The following CDH4 variants were observed in gnomAD, a reference collection of about 807,000 sequenced individuals.
CDH4 encodes cadherin 4, also known as cadherin-4.
CDH4 carries 33 observed loss-of-function variants against 86.0 expected under a neutral mutation model. That is an observed-to-expected ratio of 0.38 (90% CI 0.29 to 0.51). The LOEUF is 0.51. Ranked by LOEUF, CDH4 falls within the 20% of genes least tolerant of loss-of-function variation. CDH4 has a pLI of 0.86. For missense variants in CDH4, 1,114 were observed against 1,307.4 expected, an observed-to-expected ratio of 0.85 and a Z score of 2.28; for synonymous variants, 555 against 549.4, an observed-to-expected ratio of 1.01 and a Z score of -0.14.
chr20:61,710,821 G>A (rs143593048), intron 2 of CDH4, among the ~76,000 whole-genome samples: 17 of 152,318 alleles, frequency 1.1e-4, no homozygotes, highest in African/African-American at 3.6e-4. Context: ...AGCCCTGCTC[G>A]AAGTGCCGAG....
chr20:61,470,156 GGACACT>G (rs2085494454), intron 2 of CDH4, among the ~76,000 whole-genome samples: 1 of 152,064 alleles, frequency 6.6e-6, no homozygotes, highest in Non-Finnish European at 1.5e-5. Flanking sequence ...TGGAAAGTAT[GGACACT>G]TTAATGTATT....
chr20:61,797,093 C>CG (rs1222363983), intron 4 of CDH4, among the ~76,000 whole-genome samples: 3 of 151,948 alleles, frequency 2.0e-5, no homozygotes, highest in Non-Finnish European at 4.4e-5. Flanking sequence ...GCCCCCCCCC[C>CG]CCCAACACTG....
chr20:61,400,792 G>T (rs550183272), intron 2 of CDH4, among the ~76,000 whole-genome samples: 2 of 152,188 alleles, frequency 1.3e-5, no homozygotes, highest in African/African-American at 2.4e-5. Flanking sequence ...CCCCACCTCC[G>T]CTGGTACCAT....
intron 2 of CDH4, among the ~76,000 whole-genome samples, chr20:61,451,696 GA>G (rs1291367384): frequency 6.6e-6 from 1 of 152,034 alleles, no homozygotes; most frequent in Non-Finnish European, 1.5e-5. Flanking sequence ...AAAGAGAGGA[GA>G]GGGGAAGGAG....
At chr20:61,876,662 G>A (rs865776438) in intron 7 of CDH4, among the ~76,000 whole-genome samples, 1 of 152,126 alleles carries the variant, frequency 6.6e-6, no homozygotes, top group African/African-American at 2.4e-5. Context: ...ATCTAAAGGG[G>A]ACCATAGGCC....
intron 2 of CDH4, among the ~76,000 whole-genome samples, chr20:61,367,516 G>A (rs2084817220): frequency 6.6e-6 from 1 of 151,806 alleles, no homozygotes; most frequent in African/African-American, 2.4e-5. Context: ...GCAGCTTGAA[G>A]GGGCTCCCAC....
At position 61,593,784 on chromosome 20, in the gene CDH4, G is replaced by GA. The variant is rs1035838523; in HGVS notation, c.170-149777dup. ...ATTGTAAAGATTCTTGGACATAGTA[G>GA]AACCCCCTGGGGATGCCCGGGAGTC... On this transcript the variant is annotated intron_variant, in intron 2 of 15. Transcript: ENST00000614565. Among the ~76,000 whole-genome samples, 23 of 151,738 alleles carry GA rather than the reference G, an allele frequency of 1.5e-4. 1 individual carries two copies. Among genetic ancestry groups the GA allele is most frequent in the Non-Finnish European group, 1.9e-4 (13 of 67,988 alleles).
intron 3 of CDH4, among the ~76,000 whole-genome samples, chr20:61,747,479 C>T (rs568229617): frequency 1.2e-3 from 178 of 150,864 alleles, no homozygotes; most frequent in African/African-American, 4.2e-3. Flanking sequence ...CACAGAGGCT[C>T]CAGAGCATGG....
chr20:61,844,405 T>C (rs1203461962), intron 4 of CDH4, among the ~76,000 whole-genome samples: 2 of 152,078 alleles, frequency 1.3e-5, no homozygotes, highest in African/African-American at 4.8e-5. Context: ...GTGCTGTGGA[T>C]GTCTGCCAGG....
chr20:61,873,964 G>A, intron 7 of CDH4, 64 bp downstream of exon 7: 2 of 1,560,132 alleles, frequency 1.3e-6, no homozygotes, highest in South Asian at 1.2e-5. Flanking sequence ...ACACCCACAG[G>A]ACCCTCGGGG....
chr20:61,674,140 C>T (rs2087420500), intron 2 of CDH4, among the ~76,000 whole-genome samples: 1 of 152,136 alleles, frequency 6.6e-6, no homozygotes, highest in Non-Finnish European at 1.5e-5. Flanking sequence ...AAATACTCCC[C>T]AAGCCTGCCT....
At chr20:61,705,479 G>GT (rs2087819589) in intron 2 of CDH4, among the ~76,000 whole-genome samples, 1 of 152,232 alleles carries the variant, frequency 6.6e-6, no homozygotes, top group Non-Finnish European at 1.5e-5. Context: ...AGAGCCGTAG[G>GT]TGCCCCAGTG....
chr20:61,502,462 T>C (rs2085710649), intron 2 of CDH4, among the ~76,000 whole-genome samples: 1 of 152,204 alleles, frequency 6.6e-6, no homozygotes, highest in Admixed American at 6.5e-5. Context: ...AAGAAGTGTT[T>C]TGGGTTAAAA....
At chr20:61,720,380 GCA>G (rs1170365794) in intron 2 of CDH4, among the ~76,000 whole-genome samples, 1 of 152,020 alleles carries the variant, frequency 6.6e-6, no homozygotes, top group Non-Finnish European at 1.5e-5. Flanking sequence ...GTGCAGGGGT[GCA>G]GAGTGTAGGG....
chr20:61,367,270 G>C (rs28542709), intron 2 of CDH4, among the ~76,000 whole-genome samples: 1 of 151,394 alleles, frequency 6.6e-6, no homozygotes, highest in African/African-American at 2.4e-5. Context: ...TTAAATGCTC[G>C]CTCTGTGCTA....
At chr20:61,696,792 T>A (rs948937722) in intron 2 of CDH4, among the ~76,000 whole-genome samples, 6 of 152,142 alleles carry the variant, frequency 3.9e-5, no homozygotes, top group Non-Finnish European at 2.9e-5. Flanking sequence ...GAATAGGACA[T>A]TACTTGGAAA....
chr20:61,929,772 C>A lies in CDH4; in HGVS notation c.2169C>A (p.Gly723=). Reference sequence around the variant, plus strand: ...ACAACGGGGACTGCACCACCATTGGCGCAGTGGCAGCGGCTGGTCTGGGCA... The same window carrying A: ...ACAACGGGGACTGCACCACCATTGGAGCAGTGGCAGCGGCTGGTCTGGGCA... The part of the protein sequence containing the change: ...CDDNGDCTTI[G]AVAAAGLGTG... The change falls in exon 13 of 16, where the codon GGC becomes GGA. Residue 723 remains glycine (G), a synonymous_variant. Transcript: ENST00000614565. The A allele has an allele frequency of 6.2e-7, 1 of 1,614,122 alleles. No individual in the cohort carries two copies. The highest frequency in any genetic ancestry group is 8.5e-7 in the Non-Finnish European group (1 of 1,179,992).
chr20:61,612,752 C>T (rs953201481), intron 2 of CDH4, among the ~76,000 whole-genome samples: 1 of 152,106 alleles, frequency 6.6e-6, no homozygotes, highest in Non-Finnish European at 1.5e-5. Flanking sequence ...AAAACAGCCT[C>T]CTAGTTTCTG....
chr20:61,482,570 G>C (rs1287135628), intron 2 of CDH4, among the ~76,000 whole-genome samples: 1 of 152,166 alleles, frequency 6.6e-6, no homozygotes, highest in Non-Finnish European at 1.5e-5. Context: ...TAGGTTTCCT[G>C]GCTGGGACTG....
Sources: gnomAD v4.1 joint callset for allele counts (sites outside exome capture counted in the v4.1 genomes callset) on GRCh38, gnomAD v4.1.1 for gene constraint, MANE v1.5 for transcripts, NCBI Gene and HGNC (gene_info 2026-07-23, HGNC 2026-07-21) for gene names.